Variants in CABLES1 observed in about 807,000 individuals in gnomAD.
The protein encoded by CABLES1 is CDK5 and ABL1 enzyme substrate 1.
Under a neutral mutation model 57.8 loss-of-function variants are expected in CABLES1, and 36 were observed. The observed-to-expected ratio is 0.62, with a 90% CI of 0.48 to 0.82. The LOEUF (loss-of-function observed/expected upper bound fraction) is 0.82, where lower values mean the gene tolerates loss of function less well. Among genes scored for constraint, CABLES1 ranks in the 40% least tolerant of loss-of-function variants. CABLES1 has a pLI of 0.00. For missense variants in CABLES1, 767 were observed against 836.6 expected (o/e 0.92, Z 1.03); for synonymous variants, 374 against 363.0 (o/e 1.03, Z -0.35).
intron 1 of CABLES1, among the ~76,000 whole-genome samples, chr18:23,143,689 C>A (rs1008144237): frequency 6.6e-6 from 1 of 152,132 alleles, no homozygotes; most frequent in Non-Finnish European, 1.5e-5. Flanking sequence ...CCACCCTAGC[C>A]CAGTGCTCTG....
chr18:23,174,277 A>G (rs771382655), intron 1 of CABLES1, among the ~76,000 whole-genome samples: 17 of 152,196 alleles, frequency 1.1e-4, no homozygotes, highest in Admixed American at 3.3e-4. Flanking sequence ...TGTAGCATGT[A>G]TCAGTACTTC....
intron 7 of CABLES1, among the ~76,000 whole-genome samples, chr18:23,247,227 A>T (rs1260087763): frequency 1.3e-5 from 2 of 152,256 alleles, no homozygotes; most frequent in Non-Finnish European, 2.9e-5. Flanking sequence ...AGGCTCCCTC[A>T]AGACAGGATG....
In CABLES1 at chr18:23,257,067, G is replaced by A. The variant is rs578171161; in HGVS notation, c.1762-160G>A. 88 of 753,886 alleles carry A rather than the reference G, an allele frequency of 1.2e-4. No homozygotes were observed. The South Asian group carries it at 1.6e-3, about 14-fold the overall frequency. 46.7% of individuals were successfully genotyped at this position (753,886 alleles called of 1,614,324 possible). On this transcript the variant is annotated intron_variant, in intron 9 of 9. Coordinates refer to ENST00000256925, the MANE Select transcript of CABLES1 (RefSeq NM_001100619.3). ...CCTTCACAACCAGGACCGAAGGCAG[G>A]AAGCACAGCCTGTGCCTCCCTTTCT...
chr18:23,199,946 C>T (rs546518900), intron 3 of CABLES1, among the ~76,000 whole-genome samples: 2 of 152,234 alleles, frequency 1.3e-5, no homozygotes, highest in South Asian at 4.2e-4. Context: ...TGGCGAATTT[C>T]CTGGGATGAT....
chr18:23,160,805 G>A (rs2046998436), intron 1 of CABLES1, among the ~76,000 whole-genome samples: 1 of 152,284 alleles, frequency 6.6e-6, no homozygotes, highest in East Asian at 1.9e-4. Flanking sequence ...AGGCCAAGGC[G>A]GGCAGATCAC....
intron 7 of CABLES1, among the ~76,000 whole-genome samples, chr18:23,240,313 G>A (rs925672762): frequency 6.6e-6 from 1 of 152,172 alleles, no homozygotes; most frequent in Admixed American, 6.5e-5. Context: ...GGTTGGTTTT[G>A]CATAAAATAG....
At chr18:23,187,857 GAAACAA>G (rs1236450157) in intron 1 of CABLES1, among the ~76,000 whole-genome samples, 1 of 152,054 alleles carries the variant, frequency 6.6e-6, no homozygotes, top group Non-Finnish European at 1.5e-5. Flanking sequence ...CACAAAATTA[GAAACAA>G]AAACAAAAAA....
chr18:23,254,740 A>G (rs2048121368), intron 9 of CABLES1, among the ~76,000 whole-genome samples: 1 of 152,204 alleles, frequency 6.6e-6, no homozygotes, highest in Admixed American at 6.5e-5. Flanking sequence ...AAAAGCAAGC[A>G]CTCTGGTTTC....
intron 2 of CABLES1, among the ~76,000 whole-genome samples, chr18:23,192,458 C>T (rs964710704): frequency 2.0e-5 from 3 of 152,214 alleles, no homozygotes; most frequent in African/African-American, 7.2e-5. Flanking sequence ...CTCAGGCCAT[C>T]CTTCGTCTGT....
chr18:23,168,334 A>G (rs1598808640), intron 1 of CABLES1, among the ~76,000 whole-genome samples: 1 of 152,162 alleles, frequency 6.6e-6, no homozygotes, highest in South Asian at 2.1e-4. Context: ...AACCTTGGAA[A>G]CCTGCTGAGT....
chr18:23,146,993 A>G (rs1452464441), intron 1 of CABLES1, among the ~76,000 whole-genome samples: 1 of 152,184 alleles, frequency 6.6e-6, no homozygotes, highest in Non-Finnish European at 1.5e-5. Flanking sequence ...CAAGGTCAGT[A>G]TGTTAAAGTA....
At chr18:23,187,469 C>T (rs1347803321) in intron 1 of CABLES1, among the ~76,000 whole-genome samples, 2 of 152,230 alleles carry the variant, frequency 1.3e-5, no homozygotes, top group African/African-American at 4.8e-5. Context: ...TCACTGCAAC[C>T]TCTGCCTCCC....
chr18:23,134,872 G>A (rs1457766760), upstream of CABLES1, among the ~76,000 whole-genome samples: 2 of 152,098 alleles, frequency 1.3e-5, no homozygotes, highest in Non-Finnish European at 1.5e-5. Context: ...CATTTATCCC[G>A]GGGGCTGCAT....
At chr18:23,196,306 G>A (rs1437459333) in intron 3 of CABLES1, among the ~76,000 whole-genome samples, 3 of 152,160 alleles carry the variant, frequency 2.0e-5, no homozygotes, top group Non-Finnish European at 4.4e-5. Flanking sequence ...TGTGGGAACC[G>A]CAGGCTGTAG....
Position 23,235,985 on chromosome 18 carries a change from C to T in CABLES1, c.1276C>T (p.Arg426Cys), listed in dbSNP as rs377655942. Residue 426 changes from arginine (R) to cysteine (C), a missense_variant, in exon 6 of 10, where the codon CGT (arginine) becomes TGT (cysteine). Coordinates refer to ENST00000256925, the MANE Select transcript of CABLES1 (RefSeq NM_001100619.3). ...IDSTSSFSQF[R>C]NLSHRSLSIG... ...CTCCACCTCCTCTTTCTCCCAGTTC[C>T]GTAACCTGAGCCACCGCAGCCTCTC... 4.4e-5 allele frequency: 71 copies of T among 1,614,082 alleles called. No homozygotes were observed. The highest frequency in any genetic ancestry group is 1.6e-4 in the African/African-American group (12 of 74,920).
intron 4 of CABLES1, among the ~76,000 whole-genome samples, chr18:23,230,488 G>C (rs187982885): frequency 4.6e-5 from 7 of 152,296 alleles, no homozygotes; most frequent in African/African-American, 1.7e-4. Flanking sequence ...TTAATTCCAG[G>C]CCAGCAAAAT....
At chr18:23,197,728 G>C (rs918996456) in intron 3 of CABLES1, 1 of 152,184 alleles carries the variant, frequency 6.6e-6, no homozygotes, top group Non-Finnish European at 1.5e-5. Context: ...CAACAATTCT[G>C]CCTTAACAGA....
rs192193974 is a variant in CABLES1, at chr18:23,238,854, C to T, written c.1446+1609C>T. On this transcript the variant is annotated intron_variant, in intron 7 of 9. Transcript: ENST00000256925. ...GTTGCCCAGCTGTCTCTGAATTCCACATTCCTCAGCAGTCAGCCCCACAAC... is the reference window on the plus strand; with the variant it reads ...GTTGCCCAGCTGTCTCTGAATTCCATATTCCTCAGCAGTCAGCCCCACAAC... Among the ~76,000 whole-genome samples, 12 of 152,362 alleles carry T rather than the reference C, an allele frequency of 7.9e-5. No individual in the cohort carries two copies. In the East Asian group the frequency reaches 1.9e-3, roughly 24 times the overall value.
intron 2 of CABLES1, chr18:23,190,390 G>A (rs1030679616): frequency 6.6e-6 from 1 of 152,216 alleles, no homozygotes; most frequent in Non-Finnish European, 1.5e-5. Context: ...TGGCCACTGT[G>A]AGCCGAAGGA....
Sources: gnomAD v4.1 joint callset for allele counts (sites outside exome capture counted in the v4.1 genomes callset) on GRCh38, gnomAD v4.1.1 for gene constraint, MANE v1.5 for transcripts, NCBI Gene and HGNC (gene_info 2026-07-23, HGNC 2026-07-21) for gene names.